Variants in KCNJ16 observed in about 807,000 individuals in gnomAD.
KCNJ16 encodes inward rectifier potassium channel 16.
KCNJ16 carries 15 observed loss-of-function variants against 18.5 expected under a neutral mutation model. The ratio of observed to expected loss-of-function variants is 0.81; its 90% CI spans 0.54 to 1.25. The LOEUF (loss-of-function observed/expected upper bound fraction) is 1.25. Ranked by LOEUF, KCNJ16 falls within the 50% of genes most tolerant of loss-of-function variation. The pLI is 0.00. For synonymous variants in KCNJ16, 174 were observed against 186.5 expected, an observed-to-expected ratio of 0.93 and a Z score of 0.55; for missense variants, 523 against 525.7, an observed-to-expected ratio of 0.99 and a Z score of 0.05.
intron 2 of KCNJ16, among the ~76,000 whole-genome samples, chr17:70,103,166 A>G (rs2072723471): frequency 6.9e-6 from 1 of 144,736 alleles, no homozygotes; most frequent in Non-Finnish European, 1.5e-5. Flanking sequence ...AATTTATTTA[A>G]TATATATTTA....
intron 3 of KCNJ16, 25 bp downstream of exon 3, chr17:70,131,000 A>T (rs574801302): frequency 6.5e-7 from 1 of 1,534,060 alleles, no homozygotes; most frequent in East Asian, 2.4e-5. Context: ...TTCTGCCTTG[A>T]TGTTTTCAAG....
intron 1 of KCNJ16, among the ~76,000 whole-genome samples, chr17:70,093,892 C>A (rs1422807665): frequency 6.6e-6 from 1 of 150,872 alleles, no homozygotes; most frequent in African/African-American, 2.4e-5. Flanking sequence ...TAGGTGTCAG[C>A]AAGCAGGCGA....
intron 1 of KCNJ16, among the ~76,000 whole-genome samples, chr17:70,094,397 A>G (rs901805581): frequency 6.6e-6 from 1 of 152,194 alleles, no homozygotes; most frequent in Non-Finnish European, 1.5e-5. Context: ...TATCAATTGT[A>G]TCTTTCTACA....
At chr17:70,094,774 T>C (rs1167044884) in intron 1 of KCNJ16, among the ~76,000 whole-genome samples, 1 of 152,200 alleles carries the variant, frequency 6.6e-6, no homozygotes, top group Non-Finnish European at 1.5e-5. Flanking sequence ...TAAATTGCAC[T>C]GTAGGCAAAT....
intron 1 of KCNJ16, among the ~76,000 whole-genome samples, chr17:70,097,384 A>C (rs2072427326): frequency 6.6e-6 from 1 of 152,196 alleles, no homozygotes; most frequent in Non-Finnish European, 1.5e-5. Context: ...GAATGGAATG[A>C]GTTACCTTAT....
intron 1 of KCNJ16, among the ~76,000 whole-genome samples, chr17:70,084,285 A>G (rs1567777675): frequency 6.6e-6 from 1 of 152,336 alleles, no homozygotes; most frequent in Non-Finnish European, 1.5e-5. Flanking sequence ...CAATCCAAAT[A>G]TACCACATCT....
chr17:70,134,142 C>T lies in KCNJ16; in HGVS notation c.*798C>T, dbSNP rs149075675. 1.6e-3 allele frequency: 274 copies of T among 167,210 alleles called. 1 individual carries two copies. Among genetic ancestry groups the T allele is most frequent in the Non-Finnish European group, 3.2e-3 (219 of 68,124 alleles). The allele number at this position is 167,210 out of a possible 1,614,324, so 10.4% of individuals were successfully genotyped here. A position where few individuals can be genotyped will look rare whatever the true frequency, so the allele number is the denominator to read the frequency against. On this transcript the variant is annotated 3_prime_UTR_variant, in exon 4 of 4. Coordinates refer to ENST00000392671, the MANE Select transcript of KCNJ16 (RefSeq NM_170741.4). ...GGGGACTTTCTATGTTCACGTCCCA[C>T]CTTCTTCGAGGACATGACCAAGGGA...
intron 1 of KCNJ16, among the ~76,000 whole-genome samples, chr17:70,097,528 C>T (rs999372788): frequency 6.6e-6 from 1 of 152,154 alleles, no homozygotes; most frequent in Admixed American, 6.5e-5. Context: ...TAAAAACATA[C>T]ATATTCTATT....
At position 70,133,382 on chromosome 17, in the gene KCNJ16, T is replaced by C; in HGVS notation, c.*38T>C. On this transcript the variant is annotated 3_prime_UTR_variant, in exon 4 of 4. Coordinates refer to ENST00000392671, the MANE Select transcript of KCNJ16 (RefSeq NM_170741.4). ...ATTATGAGGGCTACCACTGAATCAT[T>C]TTATCTTTCAGCCAATCAAGTCGTT... 1 of 1,549,960 alleles carries C rather than the reference T, an allele frequency of 6.5e-7. No homozygotes were observed. The highest frequency in any genetic ancestry group is 8.8e-7 in the Non-Finnish European group (1 of 1,141,074).
chr17:70,077,288 G>A (rs1598072976), intron 1 of KCNJ16, among the ~76,000 whole-genome samples: 1 of 151,766 alleles, frequency 6.6e-6, no homozygotes, highest in South Asian at 2.1e-4. Flanking sequence ...AAAGACCATG[G>A]GAAGCGTAGA....
intron 1 of KCNJ16, among the ~76,000 whole-genome samples, chr17:70,082,131 G>A (rs1008745926): frequency 1.3e-5 from 2 of 152,142 alleles, no homozygotes; most frequent in Non-Finnish European, 2.9e-5. Context: ...AGCAAAGGAG[G>A]ACACTGACAG....
chr17:70,135,576 CT>C lies in KCNJ16; in HGVS notation c.*2234del. The C allele has an allele frequency of 6.0e-6, 1 of 166,090 alleles. No homozygotes were observed. Among genetic ancestry groups the C allele is most frequent in the African/African-American group, 2.4e-5 (1 of 41,432 alleles). 10.3% of individuals were successfully genotyped at this position (166,090 alleles called of 1,614,324 possible). On this transcript the variant is annotated 3_prime_UTR_variant, in exon 4 of 4. Coordinates refer to ENST00000392671, the MANE Select transcript of KCNJ16 (RefSeq NM_170741.4). ...ATACTTTGACAACCCCAGTGAGTTA[CT>C]TAATAATAAAGATCTTAAAATAATG...
At chr17:70,103,305 T>C (rs1329945092) in intron 2 of KCNJ16, among the ~76,000 whole-genome samples, 25 of 18,622 alleles carry the variant, frequency 1.3e-3, no homozygotes, top group East Asian at 7.4e-3. Flanking sequence ...TGTATATATA[T>C]ATATATATAT....
chr17:70,095,451 G>A lies in KCNJ16; in HGVS notation c.-299-5207G>A, dbSNP rs115274811. ...AAATGTGCTCCTCAAACCATTTATA[G>A]AGGAAGCCCGGCTTCCACATAGCCT... is the stretch of plus-strand genomic sequence containing the variant. On this transcript the variant is annotated intron_variant, in intron 1 of 3. Transcript: ENST00000392671. Among the ~76,000 whole-genome samples, 358 of 152,252 alleles carry A rather than the reference G, an allele frequency of 2.4e-3. 1 individual carries two copies. Among genetic ancestry groups the A allele is most frequent in the African/African-American group, 8.0e-3 (334 of 41,538 alleles).
intron 1 of KCNJ16, among the ~76,000 whole-genome samples, chr17:70,080,088 G>GT (rs2071488666): frequency 6.6e-6 from 1 of 152,164 alleles, no homozygotes; most frequent in Non-Finnish European, 1.5e-5. Flanking sequence ...TAAAGAGTAA[G>GT]TTATTTCTGA....
chr17:70,102,147 A>G (rs1409734443), intron 2 of KCNJ16: 1 of 148,248 alleles, frequency 6.7e-6, no homozygotes, highest in East Asian at 2.0e-4. Context: ...TTCTCTCCCC[A>G]TGATTTTACA....
At chr17:70,107,468 C>T (rs1451748770) in intron 2 of KCNJ16, among the ~76,000 whole-genome samples, 1 of 152,126 alleles carries the variant, frequency 6.6e-6, no homozygotes, top group African/African-American at 2.4e-5. Context: ...TGTAGCCATT[C>T]TGCTGAGTTG....
intron 1 of KCNJ16, among the ~76,000 whole-genome samples, chr17:70,083,988 A>C (rs2071678066): frequency 6.6e-6 from 1 of 152,154 alleles, no homozygotes; most frequent in South Asian, 2.1e-4. Flanking sequence ...CCAGCAGCAC[A>C]GTACCCTCCC....
At chr17:70,089,096 G>T (rs186238757) in intron 1 of KCNJ16, among the ~76,000 whole-genome samples, 73 of 152,232 alleles carry the variant, frequency 4.8e-4, no homozygotes, top group Non-Finnish European at 8.8e-4. Context: ...GTTGCTGTAT[G>T]TAACACAGGA....
Sources: allele counts gnomAD v4.1 joint callset (sites outside exome capture counted in the v4.1 genomes callset), GRCh38; gene constraint gnomAD v4.1.1; transcripts MANE v1.5; gene names NCBI Gene and HGNC (gene_info 2026-07-23, HGNC 2026-07-21).